IFT56: variants seen among roughly 807,000 people sequenced by gnomAD.
The protein encoded by IFT56 is intraflagellar transport 56, also known as intraflagellar transport protein 56.
the IFT56 span, among the ~76,000 whole-genome samples, chr7:139,157,787 T>C: frequency 6.6e-6 from 1 of 152,304 alleles, no homozygotes; most frequent in South Asian, 2.1e-4. Context: ...ATTACAGGCA[T>C]AAGCCACCAT....
the IFT56 span, chr7:139,168,475 G>A: frequency 1.9e-6 from 2 of 1,070,368 alleles, no homozygotes; most frequent in South Asian, 1.3e-5. Context: ...CTATCAAAGT[G>A]CAAGCAGCAA....
chr7:139,166,880 A>G, the IFT56 span: 1 of 1,586,400 alleles, frequency 6.3e-7, no homozygotes, highest in Non-Finnish European at 8.6e-7. Context: ...AGGATCTGGA[A>G]CCTACTACTC....
chr7:139,172,705 TCGCAGCAAA>T, the IFT56 span: 1 of 623,310 alleles, frequency 1.6e-6, no homozygotes, highest in Non-Finnish European at 3.1e-6. Flanking sequence ...TTACAAACAA[TCGCAGCAAA>T]TGTTATACCC....
the IFT56 span, among the ~76,000 whole-genome samples, chr7:139,145,340 T>A: frequency 6.6e-6 from 1 of 151,392 alleles, no homozygotes; most frequent in African/African-American, 2.4e-5. Context: ...CAGAATCACC[T>A]CTTTGCACTT....
chr7:139,158,506 G>A, the IFT56 span, among the ~76,000 whole-genome samples: 4 of 152,014 alleles, frequency 2.6e-5, no homozygotes, highest in Non-Finnish European at 5.9e-5. Context: ...TTGCTAAGAG[G>A]TTTTATAAGG....
At chr7:139,188,818 T>G in the IFT56 span, among the ~76,000 whole-genome samples, 1 of 152,256 alleles carries the variant, frequency 6.6e-6, no homozygotes, top group Non-Finnish European at 1.5e-5. Context: ...TGTATTATTT[T>G]TCTTGAAAAA....
the IFT56 span, among the ~76,000 whole-genome samples, chr7:139,183,879 A>G: frequency 6.6e-6 from 1 of 152,240 alleles, no homozygotes; most frequent in Non-Finnish European, 1.5e-5. Flanking sequence ...AACTGGAGAC[A>G]AAGTCTTTCA....
At chr7:139,179,507 C>T in the IFT56 span, 2 of 1,329,152 alleles carry the variant, frequency 1.5e-6, no homozygotes, top group Non-Finnish European at 1.1e-6. Context: ...CTAAGGCAAG[C>T]CAATAATGGG....
At chr7:139,175,505 G>A in the IFT56 span, among the ~76,000 whole-genome samples, 26 of 152,222 alleles carry the variant, frequency 1.7e-4, no homozygotes, top group African/African-American at 6.0e-4. Context: ...AATAAAGAAA[G>A]TGTGGTACAT....
chr7:139,160,875 A>G, the IFT56 span: 2 of 1,090,354 alleles, frequency 1.8e-6, no homozygotes, highest in South Asian at 1.5e-5. Context: ...TAAATTATAA[A>G]CCATTGTGTC....
the IFT56 span, chr7:139,189,546 T>A: frequency 1.3e-6 from 1 of 744,314 alleles, no homozygotes; most frequent in Non-Finnish European, 2.2e-6. Context: ...TTTCCTTCCT[T>A]GCTCTTTAAG....
At chr7:139,172,953 C>T in the IFT56 span, 1 of 726,546 alleles carries the variant, frequency 1.4e-6, no homozygotes, top group Non-Finnish European at 2.6e-6. Flanking sequence ...CGGATGTGTC[C>T]TGCTGCTGGC....
At chr7:139,180,289 TCACGCCACTG>T in the IFT56 span, among the ~76,000 whole-genome samples, 1 of 151,846 alleles carries the variant, frequency 6.6e-6, no homozygotes, top group Non-Finnish European at 1.5e-5. Context: ...TGAGGGGAGA[TCACGCCACTG>T]CACGCCAGCC....
chr7:139,170,593 G>A, the IFT56 span, among the ~76,000 whole-genome samples: 1 of 152,088 alleles, frequency 6.6e-6, no homozygotes, highest in Non-Finnish European at 1.5e-5. Context: ...AGAATGAAGG[G>A]CAAAAACCAT....
chr7:139,159,091 G>T, the IFT56 span, among the ~76,000 whole-genome samples: 1 of 152,056 alleles, frequency 6.6e-6, no homozygotes, highest in Non-Finnish European at 1.5e-5. Flanking sequence ...GTCAGGATTT[G>T]GTGCAAAGGT....
the IFT56 span, among the ~76,000 whole-genome samples, chr7:139,170,229 T>C: frequency 1.3e-5 from 2 of 152,098 alleles, no homozygotes; most frequent in African/African-American, 4.8e-5. Flanking sequence ...CAAGATTCCC[T>C]GTAAAGAAAA....
At chr7:139,166,844 T>A in the IFT56 span, 5 of 1,571,758 alleles carry the variant, frequency 3.2e-6, no homozygotes, top group Admixed American at 5.0e-5. Context: ...TTTCAGATGA[T>A]GTACAAGAAG....
the IFT56 span, chr7:139,165,228 C>T: frequency 4.0e-4 from 642 of 1,610,880 alleles, 2 homozygotes; most frequent in East Asian, 3.2e-3. Context: ...TTACTACCTT[C>T]GTCAAGGTAA....
At chr7:139,175,422 C>T in the IFT56 span, among the ~76,000 whole-genome samples, 1 of 152,092 alleles carries the variant, frequency 6.6e-6, no homozygotes, top group African/African-American at 2.4e-5. Context: ...ATTTGCAAAC[C>T]AATGTTTATT....
Sources: gnomAD v4.1 joint callset for allele counts (sites outside exome capture counted in the v4.1 genomes callset) on GRCh38, gnomAD v4.1.1 for gene constraint, MANE v1.5 for transcripts, NCBI Gene and HGNC (gene_info 2026-07-23, HGNC 2026-07-21) for gene names.